Variants in SLC66A3 observed in about 807,000 individuals in gnomAD.
SLC66A3 encodes the protein solute carrier family 66 member 3.
SLC66A3 carries 23 observed loss-of-function variants against 25.5 expected under a neutral mutation model. The observed-to-expected ratio is 0.90, with a 90% CI of 0.65 to 1.28. The LOEUF (loss-of-function observed/expected upper bound fraction) is 1.28, where lower values mean the gene tolerates loss of function less well. Among genes scored for constraint, SLC66A3 ranks in the 50% most tolerant of loss-of-function variants. The probability of loss-of-function intolerance (pLI) is 0.00; values close to 1 mark genes in which losing one functional copy is unlikely to be tolerated. For missense variants in SLC66A3, 246 were observed against 262.1 expected (o/e 0.94, Z 0.42); for synonymous variants, 108 against 112.6 (o/e 0.96, Z 0.26).
rs1234748879 is a variant in SLC66A3 at position 11,171,857 on chromosome 2, C to T, written c.355-68C>T. On this transcript the variant is annotated intron_variant, in intron 4 of 6. Coordinates refer to ENST00000295083, the MANE Select transcript of SLC66A3 (RefSeq NM_152391.5). ...TGCTGGAATTACAGGTGTGAGCCACCGCACCTGGCCTCTTTTGCTTTTTTA... is the reference window on the plus strand; with the variant it reads ...TGCTGGAATTACAGGTGTGAGCCACTGCACCTGGCCTCTTTTGCTTTTTTA... The T allele has an allele frequency of 2.0e-5, 31 of 1,575,336 alleles. 1 individual carries two copies. The South Asian group carries it at 2.1e-4, about 11-fold the overall frequency.
At chr2:11,169,837 C>CTTTTTTTTTTTTTTTT (rs1186098636) in intron 4 of SLC66A3, among the ~76,000 whole-genome samples, 1 of 89,046 alleles carries the variant, frequency 1.1e-5, no homozygotes, top group Non-Finnish European at 2.0e-5. Flanking sequence ...GGATTTCTCT[C>CTTTTTTTTTTTTTTTT]TTTTTTTTTT....
intron 4 of SLC66A3, among the ~76,000 whole-genome samples, chr2:11,165,923 G>C (rs1005350620): frequency 6.6e-6 from 1 of 152,256 alleles, no homozygotes; most frequent in Non-Finnish European, 1.5e-5. Context: ...GGCTGAGGCA[G>C]GAGAATCAGG....
chr2:11,169,986 G>A (rs112022984), intron 4 of SLC66A3, among the ~76,000 whole-genome samples: 11 of 151,630 alleles, frequency 7.3e-5, no homozygotes, highest in Non-Finnish European at 8.8e-5. Context: ...CTACAGGCAC[G>A]TGCCACCACA....
At chr2:11,175,624 T>C (rs536348985) in intron 6 of SLC66A3, among the ~76,000 whole-genome samples, 99 of 152,324 alleles carry the variant, frequency 6.5e-4, no homozygotes, top group African/African-American at 2.3e-3. Context: ...GTAGGAAGGC[T>C]CTGGAGGCTT....
intron 4 of SLC66A3, among the ~76,000 whole-genome samples, chr2:11,169,297 G>A (rs183579061): frequency 1.7e-4 from 26 of 152,230 alleles, no homozygotes; most frequent in Admixed American, 9.8e-4. Flanking sequence ...GTTGAGTGCC[G>A]GCCAGGTGCC....
At chr2:11,164,559 T>C (rs1332788135) in intron 4 of SLC66A3, among the ~76,000 whole-genome samples, 1 of 151,134 alleles carries the variant, frequency 6.6e-6, no homozygotes, top group Non-Finnish European at 1.5e-5. Flanking sequence ...TTAGTATTTA[T>C]TGTTATTCTT....
intron 3 of SLC66A3, among the ~76,000 whole-genome samples, chr2:11,162,248 C>T (rs1662153211): frequency 6.6e-6 from 1 of 152,226 alleles, no homozygotes; most frequent in Non-Finnish European, 1.5e-5. Flanking sequence ...TCTGCTGTTT[C>T]CCCGAGTGGC....
rs113402812 is a variant in SLC66A3 at position 11,165,772 on chromosome 2, G to A, written c.354+1511G>A. 7.1e-3 allele frequency among the ~76,000 whole-genome samples: 1,078 copies of A among 152,334 alleles called. 12 individuals are homozygous for A. Among genetic ancestry groups the A allele is most frequent in the African/African-American group, 0.025 (1,044 of 41,584 alleles). On this transcript the variant is annotated intron_variant, in intron 4 of 6. Transcript: ENST00000295083. ...ACTCCATCTGCAATCCCGGCACCTCGGGAGGCCGAGGCTGGCAGATCACTC... is the reference window on the plus strand; with the variant it reads ...ACTCCATCTGCAATCCCGGCACCTCAGGAGGCCGAGGCTGGCAGATCACTC...
At chr2:11,175,537 C>T (rs1052480271) in intron 6 of SLC66A3, among the ~76,000 whole-genome samples, 6 of 152,148 alleles carry the variant, frequency 3.9e-5, no homozygotes, top group African/African-American at 9.7e-5. Flanking sequence ...CAGTGACAAG[C>T]GGGTTTCAGG....
chr2:11,159,433 C>T (rs907521659), intron 1 of SLC66A3, among the ~76,000 whole-genome samples: 4 of 152,124 alleles, frequency 2.6e-5, no homozygotes, highest in Admixed American at 6.5e-5. Context: ...CTGCTGGGCA[C>T]GGTGGGGGCC....
At chr2:11,166,016 G>A (rs929589094) in intron 4 of SLC66A3, among the ~76,000 whole-genome samples, 3 of 151,876 alleles carry the variant, frequency 2.0e-5, no homozygotes, top group African/African-American at 7.3e-5. Context: ...GAAAGAGAGG[G>A]AGAGGGAGAG....
chr2:11,155,546 T>G lies in SLC66A3; in HGVS notation c.-1T>G. ...GCCCAGGTGCCCGCGCCCGTGGCGC[T>G]ATGGAGGCGGCGCTGCTGGGGCTGT... is the stretch of plus-strand genomic sequence containing the variant. On this transcript the variant is annotated 5_prime_UTR_variant, in exon 1 of 7. Transcript: ENST00000295083. 1 of 1,496,452 alleles carries G rather than the reference T, an allele frequency of 6.7e-7. No homozygotes were observed. Among genetic ancestry groups the G allele is most frequent in the Non-Finnish European group, 8.8e-7 (1 of 1,131,722 alleles). The allele number at this position is 1,496,452 out of a possible 1,614,324, so 92.7% of individuals were successfully genotyped here.
intron 4 of SLC66A3, among the ~76,000 whole-genome samples, chr2:11,170,327 C>G (rs544495244): frequency 6.6e-6 from 1 of 152,324 alleles, no homozygotes; most frequent in Admixed American, 6.5e-5. Flanking sequence ...CTACACTCAA[C>G]CCAGAGACTG....
intron 4 of SLC66A3, among the ~76,000 whole-genome samples, chr2:11,167,573 A>C (rs900865382): frequency 2.6e-5 from 4 of 152,222 alleles, no homozygotes; most frequent in Admixed American, 6.5e-5. Flanking sequence ...ATTTCATGGA[A>C]TATAATTTTG....
At chr2:11,163,400 C>T (rs1054220834) in intron 3 of SLC66A3, among the ~76,000 whole-genome samples, 2 of 152,248 alleles carry the variant, frequency 1.3e-5, no homozygotes, top group Admixed American at 1.3e-4. Flanking sequence ...CAGCCAGCTT[C>T]GAGCTACCTT....
At chr2:11,159,833 T>TG (rs1662048405) in intron 1 of SLC66A3, among the ~76,000 whole-genome samples, 1 of 152,158 alleles carries the variant, frequency 6.6e-6, no homozygotes, top group Admixed American at 6.5e-5. Context: ...TCTGAGAATG[T>TG]GGGACCCTGT....
At chr2:11,177,197 C>T (rs1306033489) in intron 6 of SLC66A3, among the ~76,000 whole-genome samples, 5 of 152,074 alleles carry the variant, frequency 3.3e-5, no homozygotes, top group African/African-American at 7.2e-5. Context: ...CAGTGGCTCA[C>T]GCCTGTAATC....
intron 1 of SLC66A3, among the ~76,000 whole-genome samples, chr2:11,155,931 C>T (rs1484824638): frequency 1.3e-5 from 2 of 152,222 alleles, no homozygotes; most frequent in Non-Finnish European, 1.5e-5. Flanking sequence ...TGCGCACGCC[C>T]ATTTTACAGA....
At chr2:11,165,323 G>A (rs569208742) in intron 4 of SLC66A3, among the ~76,000 whole-genome samples, 1 of 149,174 alleles carries the variant, frequency 6.7e-6, no homozygotes, top group Non-Finnish European at 1.5e-5. Context: ...GGGCAGAGGC[G>A]CTCCCCACAT....
Sources: allele counts gnomAD v4.1 joint callset (sites outside exome capture counted in the v4.1 genomes callset), GRCh38; gene constraint gnomAD v4.1.1; transcripts MANE v1.5; gene names NCBI Gene and HGNC (gene_info 2026-07-23, HGNC 2026-07-21).